Variants in MSH3 observed in about 807,000 individuals in gnomAD.
MSH3 encodes the protein mutS homolog 3.
Under a neutral mutation model 123.3 loss-of-function variants are expected in MSH3, and 106 were observed. The ratio of observed to expected loss-of-function variants is 0.86; its 90% CI spans 0.73 to 1.01. The LOEUF is 1.01. Among genes scored for constraint, MSH3 ranks in the 50% least tolerant of loss-of-function variants. The pLI, the probability that MSH3 is intolerant of heterozygous loss-of-function variation, is 0.00. For missense variants in MSH3, 1,459 were observed against 1,347.6 expected (o/e 1.08, Z -1.29); for synonymous variants, 515 against 481.4 (o/e 1.07, Z -0.91).
intron 20 of MSH3, among the ~76,000 whole-genome samples, chr5:80,820,140 G>A (rs1046037338): frequency 1.3e-5 from 2 of 152,192 alleles, no homozygotes; most frequent in African/African-American, 2.4e-5. Flanking sequence ...AAATAAGGAT[G>A]AGGGCTTAAA....
At chr5:80,815,699 G>A (rs1340953730) in intron 20 of MSH3, among the ~76,000 whole-genome samples, 1 of 152,038 alleles carries the variant, frequency 6.6e-6, no homozygotes, top group African/African-American at 2.4e-5. Context: ...AATTTTTTTA[G>A]GACATAGTAG....
intron 22 of MSH3, among the ~76,000 whole-genome samples, chr5:80,866,398 C>A (rs538377332): frequency 1.3e-5 from 2 of 152,296 alleles, no homozygotes; most frequent in African/African-American, 4.8e-5. Flanking sequence ...CTTGGCCTCC[C>A]AAAGTGCTGG....
Position 80,656,532 on chromosome 5 carries a change from G to T in MSH3, c.358+1G>T. 6.2e-7 allele frequency: 1 copy of T among 1,614,130 alleles called. No individual in the cohort carries two copies. Among genetic ancestry groups the T allele is most frequent in the Non-Finnish European group, 8.5e-7 (1 of 1,179,982 alleles). ...GATCTGGGAATGTCTGGCAACTCTG[G>T]TGAGTTGTGGGGGATTCTTTTTTCT... On this transcript the variant is annotated splice_donor_variant, in intron 2 of 23. Transcript: ENST00000265081. LOFTEE classifies it high-confidence loss of function.
Position 80,775,729 on chromosome 5 carries a change from T to G in MSH3, c.2289T>G (p.Cys763Trp). The G allele has an allele frequency of 6.3e-7, 1 of 1,589,384 alleles. No individual in the cohort carries two copies. Among genetic ancestry groups the G allele is most frequent in the Non-Finnish European group, 8.6e-7 (1 of 1,157,762 alleles). ...MIEIKNSAVS[C>W]IPTDWVKVGS... ...AAATAAAGAACTCTGCTGTATCTTG[T>G]ATACCAACTGATTGGGTAAAGGTTG... The change falls in exon 16 of 24, where the codon TGT (cysteine) becomes TGG (tryptophan). Residue 763 changes from cysteine to tryptophan, a missense_variant. Coordinates refer to ENST00000265081, the MANE Select transcript of MSH3 (RefSeq NM_002439.5).
At chr5:80,875,510 G>A (rs1345091286) in intron 23 of MSH3, among the ~76,000 whole-genome samples, 1 of 152,108 alleles carries the variant, frequency 6.6e-6, no homozygotes, top group Non-Finnish European at 1.5e-5. Context: ...TCTGGGGCTG[G>A]CAGGGGTAAG....
chr5:80,750,417 A>G (rs758537959), intron 12 of MSH3, among the ~76,000 whole-genome samples: 3 of 152,098 alleles, frequency 2.0e-5, no homozygotes, highest in Non-Finnish European at 4.4e-5. Flanking sequence ...CTTTTTTAAT[A>G]AAAACTAATC....
intron 8 of MSH3, among the ~76,000 whole-genome samples, chr5:80,701,194 G>A (rs569031507): frequency 5.9e-5 from 9 of 152,230 alleles, no homozygotes; most frequent in South Asian, 2.1e-4. Flanking sequence ...GAAACAGTAC[G>A]AGTTGCAAGG....
chr5:80,831,192 G>T (rs191538749), intron 20 of MSH3, among the ~76,000 whole-genome samples: 320 of 152,252 alleles, frequency 2.1e-3, no homozygotes, highest in African/African-American at 7.6e-3. Context: ...CTAGAAGAAG[G>T]CTAGTTATTT....
chr5:80,679,651 G>A (rs1033220098), intron 8 of MSH3, among the ~76,000 whole-genome samples: 3 of 152,296 alleles, frequency 2.0e-5, no homozygotes, highest in South Asian at 2.1e-4. Flanking sequence ...GACCACTTAC[G>A]TATGAAGCAG....
chr5:80,731,742 A>G (rs1269262276), intron 10 of MSH3, among the ~76,000 whole-genome samples: 1 of 152,164 alleles, frequency 6.6e-6, no homozygotes, highest in Non-Finnish European at 1.5e-5. Flanking sequence ...TGTAGTGCTT[A>G]TATTTTGCAA....
chr5:80,793,705 G>A (rs1013382375), intron 19 of MSH3, among the ~76,000 whole-genome samples: 2 of 152,158 alleles, frequency 1.3e-5, no homozygotes, highest in Non-Finnish European at 2.9e-5. Context: ...TGCAGAGTGT[G>A]AACAAAGAAG....
intron 8 of MSH3, among the ~76,000 whole-genome samples, chr5:80,712,373 C>T (rs1750878561): frequency 6.6e-6 from 1 of 152,092 alleles, no homozygotes; most frequent in Non-Finnish European, 1.5e-5. Context: ...CATCCTGTCC[C>T]TTTTACTATT....
chr5:80,765,558 T>C (rs904204254), intron 13 of MSH3, among the ~76,000 whole-genome samples: 1 of 152,036 alleles, frequency 6.6e-6, no homozygotes, highest in African/African-American at 2.4e-5. Context: ...ATATATACTA[T>C]CTATTATGTG....
chr5:80,873,300 A>G lies in MSH3; in HGVS notation c.3302+13A>G, dbSNP rs1746254427. ...TAAATACGAAAAGGTCAGAGTGATT[A>G]TGCTGCATTTTTTCATTTGTAATGA... On this transcript the variant is annotated intron_variant, in intron 23 of 23. Coordinates refer to ENST00000265081, the MANE Select transcript of MSH3 (RefSeq NM_002439.5). 6.2e-7 allele frequency: 1 copy of G among 1,613,532 alleles called. No individual in the cohort carries two copies. Among genetic ancestry groups the G allele is most frequent in the Non-Finnish European group, 8.5e-7 (1 of 1,179,696 alleles).
chr5:80,850,303 CTCTG>C (rs1223160819), intron 20 of MSH3, among the ~76,000 whole-genome samples: 4 of 152,176 alleles, frequency 2.6e-5, no homozygotes, highest in Non-Finnish European at 4.4e-5. Context: ...CTGTTGCAAC[CTCTG>C]TCTGTTTCCC....
At chr5:80,727,333 A>G (rs1387353460) in intron 9 of MSH3, among the ~76,000 whole-genome samples, 1 of 152,084 alleles carries the variant, frequency 6.6e-6, no homozygotes, top group Non-Finnish European at 1.5e-5. Context: ...CTTCATTTAC[A>G]CTCTGGTTTT....
At chr5:80,725,599 C>A in intron 9 of MSH3, 34 bp downstream of exon 9, 1 of 1,429,746 alleles carries the variant, frequency 7.0e-7, no homozygotes, top group Non-Finnish European at 9.9e-7. Flanking sequence ...TCAAGTTGAA[C>A]TGATTTGAAA....
intron 15 of MSH3, among the ~76,000 whole-genome samples, chr5:80,769,523 G>T (rs555268244): frequency 1.3e-5 from 2 of 152,138 alleles, no homozygotes; most frequent in South Asian, 2.1e-4. Context: ...TTGGGGGTGT[G>T]TACTTCTGTT....
At chr5:80,838,292 G>A (rs536346761) in intron 20 of MSH3, among the ~76,000 whole-genome samples, 2 of 152,234 alleles carry the variant, frequency 1.3e-5, no homozygotes, top group East Asian at 3.9e-4. Flanking sequence ...CTCTAAAGCC[G>A]AGTGAGCAGA....
Sources: gnomAD v4.1 joint callset for allele counts (sites outside exome capture counted in the v4.1 genomes callset) on GRCh38, gnomAD v4.1.1 for gene constraint, MANE v1.5 for transcripts, NCBI Gene and HGNC (gene_info 2026-07-23, HGNC 2026-07-21) for gene names.